Variants in TENM3 observed in about 807,000 individuals in gnomAD.
TENM3 encodes the protein teneurin transmembrane protein 3.
A neutral mutation model predicts 255.1 loss-of-function variants in TENM3; 63 were observed. The ratio of observed to expected loss-of-function variants is 0.25; its 90% CI spans 0.20 to 0.30. The LOEUF (loss-of-function observed/expected upper bound fraction) is 0.30, where lower values mean the gene tolerates loss of function less well. Among genes scored for constraint, TENM3 ranks in the 10% least tolerant of loss-of-function variants. The pLI is 1.00. For synonymous variants in TENM3, 1,306 were observed against 1,322.3 expected (o/e 0.99, Z 0.27); for missense variants, 2,929 against 3,461.1 (o/e 0.85, Z 3.86).
At chr4:181,641,850 T>C in the TENM3 span, among the ~76,000 whole-genome samples, 1 of 106,872 alleles carries the variant, frequency 9.4e-6, no homozygotes, top group Non-Finnish European at 1.8e-5. Context: ...ATATGCCACA[T>C]TTTCTTTATC....
At chr4:182,038,064 G>A in the TENM3 span, among the ~76,000 whole-genome samples, 14 of 151,936 alleles carry the variant, frequency 9.2e-5, no homozygotes, top group African/African-American at 2.9e-4. Context: ...TTTCTACTTC[G>A]CGTGATTTTG....
chr4:181,924,143 T>G, the TENM3 span, among the ~76,000 whole-genome samples: 852 of 152,256 alleles, frequency 5.6e-3, 8 homozygotes, highest in Non-Finnish European at 6.3e-3. Flanking sequence ...GAGCTTGTTT[T>G]CTTACTGCTT....
chr4:181,874,743 C>T, the TENM3 span, among the ~76,000 whole-genome samples: 3 of 152,180 alleles, frequency 2.0e-5, no homozygotes, highest in Admixed American at 2.0e-4. Flanking sequence ...GGTGCCCTAC[C>T]ATGCATGTTC....
chr4:182,587,272 AT>A (rs1406977677), intron 3 of TENM3, among the ~76,000 whole-genome samples: 2 of 152,004 alleles, frequency 1.3e-5, no homozygotes, highest in African/African-American at 4.8e-5. Flanking sequence ...TAATTTTCAC[AT>A]TTTTTTGTAG....
At chr4:181,767,053 C>G in the TENM3 span, among the ~76,000 whole-genome samples, 1 of 138,546 alleles carries the variant, frequency 7.2e-6, no homozygotes, top group Admixed American at 7.5e-5. Context: ...GAGATCAAGA[C>G]CATTCTGGCT....
chr4:182,737,128 T>G, intron 17 of TENM3, 53 bp downstream of exon 17: 1 of 1,547,758 alleles, frequency 6.5e-7, no homozygotes, highest in Non-Finnish European at 8.8e-7. Context: ...AAGCCAGAAC[T>G]ATCATAAATT....
chr4:181,868,289 T>C, the TENM3 span, among the ~76,000 whole-genome samples: 8 of 152,042 alleles, frequency 5.3e-5, no homozygotes, highest in African/African-American at 1.9e-4. Context: ...CCAGCATGGC[T>C]AACCAGGATC....
At chr4:181,485,775 T>A in the TENM3 span, among the ~76,000 whole-genome samples, 1 of 152,114 alleles carries the variant, frequency 6.6e-6, no homozygotes, top group African/African-American at 2.4e-5. Context: ...GGGAATTAGT[T>A]TAAAAATATA....
chr4:182,363,904 T>A (rs1237628460), intron 3 of TENM3, among the ~76,000 whole-genome samples: 1 of 152,126 alleles, frequency 6.6e-6, no homozygotes. Flanking sequence ...CCTAGGGGAT[T>A]TGAAAGTAGT....
At chr4:181,899,534 T>G in the TENM3 span, among the ~76,000 whole-genome samples, 1 of 152,094 alleles carries the variant, frequency 6.6e-6, no homozygotes, top group Admixed American at 6.6e-5. Context: ...TTTTGTTGTT[T>G]TGTTGTTTTG....
At chr4:182,654,007 T>C in intron 6 of TENM3, 114 bp downstream of exon 6, 1 of 977,954 alleles carries the variant, frequency 1.0e-6, no homozygotes, top group Non-Finnish European at 1.4e-6. Context: ...GTGTTCGAAA[T>C]TACAGATATC....
the TENM3 span, among the ~76,000 whole-genome samples, chr4:181,576,734 ATAAG>A: frequency 4.0e-5 from 6 of 151,240 alleles, no homozygotes; most frequent in East Asian, 3.9e-4. Context: ...ACATCTAATT[ATAAG>A]TCTTACCTAT....
chr4:182,773,094 A>G (rs1764394368), intron 22 of TENM3, among the ~76,000 whole-genome samples: 1 of 152,266 alleles, frequency 6.6e-6, no homozygotes, highest in African/African-American at 2.4e-5. Flanking sequence ...GTAAATCTTT[A>G]AGAACTGATG....
intron 3 of TENM3, among the ~76,000 whole-genome samples, chr4:182,380,166 G>A (rs1269710482): frequency 3.3e-5 from 5 of 152,144 alleles, no homozygotes; most frequent in South Asian, 2.1e-4. Flanking sequence ...GGCTACTCTC[G>A]AGGCTGAGGC....
the TENM3 span, among the ~76,000 whole-genome samples, chr4:181,449,846 T>C: frequency 2.0e-5 from 3 of 152,154 alleles, no homozygotes; most frequent in African/African-American, 7.2e-5. Context: ...GGAGTTAATT[T>C]TGTTTGGTAT....
At chr4:181,836,326 T>G in the TENM3 span, among the ~76,000 whole-genome samples, 1 of 152,194 alleles carries the variant, frequency 6.6e-6, no homozygotes, top group East Asian at 1.9e-4. Flanking sequence ...CATTTCTAAT[T>G]TCATATACAG....
chr4:181,579,216 G>A, the TENM3 span, among the ~76,000 whole-genome samples: 1 of 151,898 alleles, frequency 6.6e-6, no homozygotes, highest in Non-Finnish European at 1.5e-5. Flanking sequence ...GAGAAACTGA[G>A]CCCACCCCAC....
At chr4:182,480,786 G>A (rs1400399765) in intron 3 of TENM3, among the ~76,000 whole-genome samples, 1 of 151,832 alleles carries the variant, frequency 6.6e-6, no homozygotes, top group Non-Finnish European at 1.5e-5. Context: ...TTATGTGGTG[G>A]ATCTCTAGAC....
At chr4:182,059,745 C>CAAAAAAAAAAAAA in the TENM3 span, among the ~76,000 whole-genome samples, 3 of 43,164 alleles carry the variant, frequency 7.0e-5, no homozygotes, top group African/African-American at 1.9e-4. Context: ...TCTGTCTCTA[C>CAAAAAAAAAAAAA]AAAAAAAAAA....
Sources: gnomAD v4.1 joint callset for allele counts (sites outside exome capture counted in the v4.1 genomes callset) on GRCh38, gnomAD v4.1.1 for gene constraint, MANE v1.5 for transcripts, NCBI Gene and HGNC (gene_info 2026-07-23, HGNC 2026-07-21) for gene names.